PAK6: variants seen among roughly 807,000 people sequenced by gnomAD.
The protein encoded by PAK6 is serine/threonine-protein kinase PAK 6.
A neutral mutation model predicts 60.8 loss-of-function variants in PAK6; 33 were observed. The observed-to-expected ratio is 0.54, with a 90% CI of 0.41 to 0.73. The LOEUF (loss-of-function observed/expected upper bound fraction) is 0.73. Among genes scored for constraint, PAK6 ranks in the 30% least tolerant of loss-of-function variants. PAK6 has a pLI of 0.00. For missense variants in PAK6, 845 were observed against 904.1 expected (o/e 0.93, Z 0.84); for synonymous variants, 404 against 378.5 (o/e 1.07, Z -0.78).
exon 6 of PAK6, chr15:40,272,509 A>G (rs746237876): frequency 1.2e-6 from 2 of 1,613,808 alleles, no homozygotes; most frequent in East Asian, 4.5e-5. Context: ...TGGTGAGGAC[A>G]CAGGTGTTGT....
chr15:40,252,591 C>T, intron 2 of PAK6: 1 of 1,355,578 alleles, frequency 7.4e-7, no homozygotes, highest in South Asian at 1.1e-5. Context: ...AACGTGTAAG[C>T]GCGGCCCCTC....
chr15:40,264,776 TAC>T lies in PAK6; in HGVS notation c.-5-3_-5-2del, dbSNP rs781048343. ...AGGGAGCTCAACCTTACTCTGCACT[TAC>T]AGGCACCATGTTCCGCAAGAAAAAG... On this transcript the variant is annotated splice_polypyrimidine_tract_variant and splice_region_variant and intron_variant, in intron 3 of 10. Coordinates refer to ENST00000560346, the Ensembl canonical transcript of PAK6. 7.5e-4 allele frequency: 1,204 copies of T among 1,613,334 alleles called. No homozygotes were observed. The highest frequency in any genetic ancestry group is 9.3e-4 in the Non-Finnish European group (1,101 of 1,179,898).
intron 2 of PAK6, chr15:40,252,554 G>A (rs1436066357): frequency 3.7e-6 from 5 of 1,360,904 alleles, no homozygotes; most frequent in African/African-American, 1.5e-5. Context: ...AATCAAAATC[G>A]CGGTCAGGTG....
At chr15:40,241,152 G>A (rs1436127493) in intron 2 of PAK6, among the ~76,000 whole-genome samples, 1 of 152,172 alleles carries the variant, frequency 6.6e-6, no homozygotes, top group Non-Finnish European at 1.5e-5. Flanking sequence ...GGCCAAGCAC[G>A]GTCACTCCTC....
At chr15:40,269,772 C>T (rs1018478048) in intron 5 of PAK6, among the ~76,000 whole-genome samples, 1 of 152,198 alleles carries the variant, frequency 6.6e-6, no homozygotes, top group Non-Finnish European at 1.5e-5. Flanking sequence ...ATCCCTCCCC[C>T]AGCCTCCAGA....
At chr15:40,273,288 C>T in intron 7 of PAK6, 58 bp from the exon 8 acceptor site, 1 of 1,585,608 alleles carries the variant, frequency 6.3e-7, no homozygotes, top group Non-Finnish European at 8.6e-7. Context: ...CTCAGCCACC[C>T]CACGACCTGC....
chr15:40,261,937 G>T (rs1209903387), intron 3 of PAK6, among the ~76,000 whole-genome samples: 1 of 152,130 alleles, frequency 6.6e-6, no homozygotes, highest in Non-Finnish European at 1.5e-5. Flanking sequence ...ATGGACTCAA[G>T]AGAGGCTCCC....
chr15:40,248,684 G>A lies in PAK6; in HGVS notation c.-117-4494G>A, dbSNP rs140332782. ...TGCCCCTCACACCCAGTGCCATGTG[G>A]GGGTCCTCGCGTGTTACACAGAAAT... is the stretch of plus-strand genomic sequence containing the variant. On this transcript the variant is annotated intron_variant, in intron 2 of 10. Coordinates refer to ENST00000560346, the Ensembl canonical transcript of PAK6. Among the ~76,000 whole-genome samples, 471 of 152,330 alleles carry A rather than the reference G, an allele frequency of 3.1e-3. 1 individual carries two copies. Among genetic ancestry groups the A allele is most frequent in the Non-Finnish European group, 4.9e-3 (335 of 68,024 alleles).
At position 40,241,377 on chromosome 15, in the gene PAK6, A is replaced by G. The variant is rs2038327406; in HGVS notation, c.-118+696A>G. Reference sequence around the variant, plus strand: ...CTTCCTGAGGCTGGTTCTGGTGGGAACTGGGCTGCAGGAGGAGAGGATGAG... The same window carrying G: ...CTTCCTGAGGCTGGTTCTGGTGGGAGCTGGGCTGCAGGAGGAGAGGATGAG... On this transcript the variant is annotated intron_variant, in intron 2 of 10. Coordinates refer to ENST00000560346, the Ensembl canonical transcript of PAK6. Among the ~76,000 whole-genome samples, 4 of 152,232 alleles carry G rather than the reference A, an allele frequency of 2.6e-5. No homozygotes were observed. The South Asian group carries it at 8.3e-4, about 32-fold the overall frequency.
chr15:40,248,630 G>A (rs1280388302), intron 2 of PAK6, among the ~76,000 whole-genome samples: 1 of 152,222 alleles, frequency 6.6e-6, no homozygotes, highest in Non-Finnish European at 1.5e-5. Flanking sequence ...GGAACTCAGT[G>A]ACAGAGTGGG....
At chr15:40,240,826 G>C (rs750222241) in intron 2 of PAK6, 145 bp downstream of exon 2, 9 of 328,136 alleles carry the variant, frequency 2.7e-5, no homozygotes, top group Non-Finnish European at 4.9e-5. Context: ...CTCCCCACCC[G>C]GCCTGCCACC....
intron 2 of PAK6, chr15:40,245,691 T>C (rs903591370): frequency 5.9e-5 from 9 of 152,350 alleles, no homozygotes; most frequent in Non-Finnish European, 1.0e-4. Context: ...GCCCCCATAA[T>C]TTTAGAGCGG....
At chr15:40,254,545 T>C (rs2038784290) in intron 3 of PAK6, among the ~76,000 whole-genome samples, 1 of 152,168 alleles carries the variant, frequency 6.6e-6, no homozygotes, top group Admixed American at 6.5e-5. Flanking sequence ...CATGTGTTCA[T>C]GGGTGACCCT....
chr15:40,241,522 C>T (rs1439887267), intron 2 of PAK6, among the ~76,000 whole-genome samples: 1 of 152,182 alleles, frequency 6.6e-6, no homozygotes, highest in Non-Finnish European at 1.5e-5. Context: ...GCAGGCTTCC[C>T]TGGCGGTTGT....
Position 40,266,102 on chromosome 15 carries a change from C to T in PAK6, c.465C>T (p.His155=), listed in dbSNP as rs141846316. 25 of 1,608,860 alleles carry T rather than the reference C, an allele frequency of 1.6e-5. No homozygotes were observed. In the African/African-American group the frequency reaches 3.1e-4, roughly 20 times the overall value. Residue 155 remains histidine (H), a synonymous_variant, in exon 5 of 11, where the codon CAC becomes CAT. Coordinates refer to ENST00000560346, the Ensembl canonical transcript of PAK6. The stretch of plus-strand genomic sequence containing the variant: ...GCAACGGGGGCACACCAGCAGGCCA[C>T]AAGCAGATGCCGTGGCCCGAGCCAC...
intron 2 of PAK6, among the ~76,000 whole-genome samples, chr15:40,249,849 A>T (rs2140950930): frequency 6.6e-6 from 1 of 152,326 alleles, no homozygotes; most frequent in Non-Finnish European, 1.5e-5. Context: ...CTCCCAGACC[A>T]TACTGGCCTG....
At position 40,247,755 on chromosome 15, in the gene PAK6, C is replaced by T. The variant is rs1469743963; in HGVS notation, c.-117-5423C>T. 2.0e-5 allele frequency among the ~76,000 whole-genome samples: 3 copies of T among 152,152 alleles called. No individual in the cohort carries two copies. In the South Asian group the frequency reaches 6.2e-4, roughly 32 times the overall value. On this transcript the variant is annotated intron_variant, in intron 2 of 10. Coordinates refer to ENST00000560346, the Ensembl canonical transcript of PAK6. ...AACCAGGCCCTAGACAGTGCTACCC[C>T]CTGGCGCTGGGCTCTCTTTCCGGAA... is the stretch of plus-strand genomic sequence containing the variant.
intron 7 of PAK6, 127 bp downstream of exon 7, chr15:40,273,126 A>G: frequency 7.8e-7 from 1 of 1,285,796 alleles, no homozygotes. Context: ...CTGCTGGGGT[A>G]ACTGAGACCC....
rs146169738 is a variant in PAK6, at chr15:40,255,998, G to A, written c.-6+2709G>A. ...CACACAGGAGTGAGGATTTCCTCTC[G>A]TTTACCATGGTCCCCAGAGCCTGGA... On this transcript the variant is annotated intron_variant, in intron 3 of 10. Transcript: ENST00000560346. Among the ~76,000 whole-genome samples, 995 of 152,226 alleles carry A rather than the reference G, an allele frequency of 6.5e-3. 6 individuals are homozygous for A. The highest frequency in any genetic ancestry group is 0.01 in the African/African-American group (435 of 41,530).
Sources: gnomAD v4.1 joint callset for allele counts (sites outside exome capture counted in the v4.1 genomes callset) on GRCh38, gnomAD v4.1.1 for gene constraint, MANE v1.5 for transcripts, NCBI Gene and HGNC (gene_info 2026-07-23, HGNC 2026-07-21) for gene names.